The following METTL9 variants were observed in gnomAD, a reference collection of about 807,000 sequenced individuals.
METTL9 encodes the protein methyltransferase 9, His-X-His N1(pi)-histidine.
A neutral mutation model predicts 36.0 loss-of-function variants in METTL9; 10 were observed. The observed-to-expected ratio is 0.28, with a 90% CI of 0.17 to 0.47. METTL9 has a LOEUF of 0.47. METTL9 is among the 20% of genes least tolerant of loss of function. METTL9 has a pLI of 0.99. For synonymous variants in METTL9, 175 were observed against 149.7 expected, an observed-to-expected ratio of 1.17 and a Z score of -1.23; for missense variants, 246 against 383.5, an observed-to-expected ratio of 0.64 and a Z score of 3.00.
chr16:21,599,807 G>T lies in METTL9; in HGVS notation c.74G>T (p.Arg25Leu). 6.5e-7 allele frequency: 1 copy of T among 1,548,502 alleles called. No homozygotes were observed. Among genetic ancestry groups the T allele is most frequent in the Non-Finnish European group, 8.7e-7 (1 of 1,154,230 alleles). ...VWLARRMWTL[R>L]SPLTRSLYVN... ...CTGGCGCGGAGGATGTGGACGCTGC[G>T]GAGCCCGCTCACCCGCTCCCTGTAC... Residue 25 changes from arginine to leucine, a missense_variant, in exon 1 of 5, where the codon CGG (arginine) becomes CTG (leucine). Physicochemically the swap from Arg to Leu is moderately radical, Grantham distance 102. Around this residue, in one of 2 missense-constraint regions of METTL9, gnomAD observed 100 missense variants for 81.4 expected, o/e 1.23. Coordinates refer to ENST00000358154, the MANE Select transcript of METTL9 (RefSeq NM_016025.5). This position sits in a 1 kb window ranked among gnomAD's most constrained non-coding sequence, Gnocchi z 4.4.
Position 21,613,168 on chromosome 16 carries a change from C to CTTTTTTTTTTTTT in METTL9, c.356+357_356+369dup, listed in dbSNP as rs57388340. On this transcript the variant is annotated intron_variant, in intron 2 of 4. Coordinates refer to ENST00000358154, the MANE Select transcript of METTL9 (RefSeq NM_016025.5). ...ATCAGGGGCTAGGTCTGAGAGTCTGCTTTTTTTTTTTTTTTTTTTTTTTTT... is the reference window on the plus strand; with the variant it reads ...ATCAGGGGCTAGGTCTGAGAGTCTGCTTTTTTTTTTTTTTTTTTTTTTTTTTTTTTTTTTTTTT... Among the ~76,000 whole-genome samples the CTTTTTTTTTTTTT allele has an allele frequency of 1.8e-4, 16 of 91,426 alleles. 1 individual carries two copies. Among genetic ancestry groups the CTTTTTTTTTTTTT allele is most frequent in the East Asian group, 1.1e-3 (3 of 2,830 alleles). 60.0% of individuals were successfully genotyped at this position (91,426 alleles called of 152,430 possible).
chr16:21,637,187 TGCTGATTGGTCCATTTTACAGAGA>T (rs986405949), intron 4 of METTL9, among the ~76,000 whole-genome samples: 2 of 152,196 alleles, frequency 1.3e-5, no homozygotes, highest in East Asian at 1.9e-4. Context: ...ACCAACATCC[TGCTGATTGGTCCATTTTACAGAGA>T]GCTGATTGGT....
At chr16:21,600,500 C>T (rs1412528756) in intron 1 of METTL9, among the ~76,000 whole-genome samples, 1 of 152,214 alleles carries the variant, frequency 6.6e-6, no homozygotes, top group Non-Finnish European at 1.5e-5. Context: ...ACCTTCCCCT[C>T]CTACCTAGCA....
At chr16:21,600,038 C>A (rs1028266734) in intron 1 of METTL9, 140 bp downstream of exon 1, 4 of 766,890 alleles carry the variant, frequency 5.2e-6, no homozygotes, top group Non-Finnish European at 5.1e-6. Flanking sequence ...AAAGTTTTCC[C>A]CGCGCCTTCC....
At chr16:21,609,217 A>G (rs1315965992) in intron 1 of METTL9, among the ~76,000 whole-genome samples, 1 of 151,724 alleles carries the variant, frequency 6.6e-6, no homozygotes. Context: ...CAGAAACCCC[A>G]TGGCAGCGAT....
intron 3 of METTL9, among the ~76,000 whole-genome samples, chr16:21,621,922 A>C (rs1237696296): frequency 2.6e-5 from 4 of 151,830 alleles, no homozygotes; most frequent in Admixed American, 1.3e-4. Flanking sequence ...GCTGGAGTGC[A>C]GTGGTGCCAT....
chr16:21,628,897 T>TG (rs1282305125), intron 4 of METTL9, among the ~76,000 whole-genome samples: 33 of 151,572 alleles, frequency 2.2e-4, no homozygotes, highest in Admixed American at 2.2e-3. Flanking sequence ...TGTTTCTTTT[T>TG]TTTTTTTTTG....
At chr16:21,643,951 T>G (rs1966348691) in intron 4 of METTL9, among the ~76,000 whole-genome samples, 1 of 152,176 alleles carries the variant, frequency 6.6e-6, no homozygotes, top group Non-Finnish European at 1.5e-5. Flanking sequence ...TCTTAAGGCT[T>G]TCGTAGATAA....
chr16:21,635,353 T>G (rs562788374), intron 4 of METTL9, among the ~76,000 whole-genome samples: 1 of 152,022 alleles, frequency 6.6e-6, no homozygotes, highest in South Asian at 2.1e-4. Flanking sequence ...TATTTCCTTC[T>G]GGGCAGGGGA....
intron 4 of METTL9, among the ~76,000 whole-genome samples, chr16:21,637,988 T>G (rs1966148713): frequency 6.6e-6 from 1 of 152,254 alleles, no homozygotes; most frequent in African/African-American, 2.4e-5. Context: ...ATTAATTCTT[T>G]TTTAATTGTC....
intron 4 of METTL9, among the ~76,000 whole-genome samples, chr16:21,644,655 T>C (rs1966377428): frequency 6.6e-6 from 1 of 152,220 alleles, no homozygotes; most frequent in Non-Finnish European, 1.5e-5. Context: ...ATTTGTCATA[T>C]TGCTAAGCAT....
intron 3 of METTL9, among the ~76,000 whole-genome samples, chr16:21,623,014 CATTTTTTA>C (rs887177475): frequency 9.2e-5 from 14 of 152,082 alleles, no homozygotes; most frequent in African/African-American, 3.4e-4. Context: ...TATTCATTTC[CATTTTTTA>C]GAATGGGAAT....
In METTL9 at chr16:21,627,137, C is replaced by CT. The variant is rs1182518248; in HGVS notation, c.751+2023dup. ...AATTTTGCAGGCGCGCCACGGCACT[C>CT]TATTATTGCTTTCTTTCTCTGAGTC... On this transcript the variant is annotated intron_variant, in intron 4 of 4. Coordinates refer to ENST00000358154, the MANE Select transcript of METTL9 (RefSeq NM_016025.5). 3 of 985,202 alleles carry CT rather than the reference C, an allele frequency of 3.0e-6. No individual in the cohort carries two copies. The Admixed American group carries it at 1.8e-4, about 61-fold the overall frequency. The allele number at this position is 985,202 out of a possible 1,614,324, so 61.0% of individuals were successfully genotyped here.
intron 4 of METTL9, chr16:21,647,072 A>T: frequency 6.2e-7 from 1 of 1,609,138 alleles, no homozygotes; most frequent in Non-Finnish European, 8.5e-7. Context: ...GAGTGAGGTA[A>T]TGATTTTACA....
upstream of METTL9, chr16:21,599,492 T>C (rs962940952): frequency 1.4e-5 from 17 of 1,207,660 alleles, no homozygotes; most frequent in Admixed American, 4.6e-5. The surrounding 1 kb of genome is among the most constrained non-coding windows in gnomAD (Gnocchi z 4.4). Context: ...TCGTAAGTGC[T>C]CCGGATGGAA....
At chr16:21,606,291 T>G (rs1965285405) in intron 1 of METTL9, among the ~76,000 whole-genome samples, 1 of 152,062 alleles carries the variant, frequency 6.6e-6, no homozygotes, top group Non-Finnish European at 1.5e-5. Flanking sequence ...GAGCTGAGAT[T>G]GCGCCACTGC....
intron 1 of METTL9, among the ~76,000 whole-genome samples, chr16:21,606,156 G>A (rs1341977495): frequency 6.6e-6 from 1 of 152,042 alleles, no homozygotes; most frequent in African/African-American, 2.4e-5. Flanking sequence ...CTAACAGGGT[G>A]AAACCTGGTC....
chr16:21,603,047 A>G (rs1481841017), intron 1 of METTL9, among the ~76,000 whole-genome samples: 1 of 152,172 alleles, frequency 6.6e-6, no homozygotes, highest in Middle Eastern at 3.2e-3. Context: ...CATATTTGCT[A>G]CTGTATGGCC....
intron 4 of METTL9, among the ~76,000 whole-genome samples, chr16:21,636,449 G>A (rs1431464041): frequency 6.6e-6 from 1 of 152,170 alleles, no homozygotes; most frequent in East Asian, 1.9e-4. Context: ...TTTGAGAAGT[G>A]GGACTAGCCT....
Sources: allele counts gnomAD v4.1 joint callset (sites outside exome capture counted in the v4.1 genomes callset), GRCh38; gene constraint gnomAD v4.1.1; regional missense constraint gnomAD v4.1.1; non-coding constraint Gnocchi (gnomAD v3.1); transcripts MANE v1.5; gene names NCBI Gene and HGNC (gene_info 2026-07-23, HGNC 2026-07-21).